The following PIP5K1B variants were observed in gnomAD, a reference collection of about 807,000 sequenced individuals.
PIP5K1B encodes the protein phosphatidylinositol-4-phosphate 5-kinase type 1 beta, also known as phosphatidylinositol 4-phosphate 5-kinase type-1 beta.
PIP5K1B carries 42 observed loss-of-function variants against 67.0 expected under a neutral mutation model. The ratio of observed to expected loss-of-function variants is 0.63; its 90% CI spans 0.49 to 0.81. The LOEUF is 0.81. Among genes scored for constraint, PIP5K1B ranks in the 30% least tolerant of loss-of-function variants. The pLI is 0.00. For missense variants in PIP5K1B, 459 were observed against 646.3 expected (o/e 0.71, Z 3.14); for synonymous variants, 214 against 231.4 (o/e 0.92, Z 0.68).
At chr9:68,929,024 G>A (rs895115061) in intron 12 of PIP5K1B, among the ~76,000 whole-genome samples, 4 of 152,040 alleles carry the variant, frequency 2.6e-5, no homozygotes, top group Admixed American at 6.5e-5. Flanking sequence ...TTAGCCAGAC[G>A]TGCTGGCACA....
intron 13 of PIP5K1B, among the ~76,000 whole-genome samples, chr9:68,940,438 A>C (rs1827499969): frequency 6.6e-6 from 1 of 152,208 alleles, no homozygotes; most frequent in Non-Finnish European, 1.5e-5. Context: ...TTTGTAAATT[A>C]ATGCAATTTC....
chr9:68,762,802 A>G (rs1830243479), intron 2 of PIP5K1B, among the ~76,000 whole-genome samples: 2 of 152,108 alleles, frequency 1.3e-5, no homozygotes, highest in Non-Finnish European at 1.5e-5. Context: ...AACGTTTATG[A>G]GTGTATGGGA....
intron 14 of PIP5K1B, among the ~76,000 whole-genome samples, chr9:68,951,703 G>C (rs10869578): frequency 6.6e-6 from 1 of 151,886 alleles, no homozygotes; most frequent in African/African-American, 2.4e-5. Context: ...TATTAAAAAA[G>C]GTATTGATTG....
chr9:68,957,420 GAT>G (rs1369617135), intron 14 of PIP5K1B, among the ~76,000 whole-genome samples: 1 of 152,084 alleles, frequency 6.6e-6, no homozygotes, highest in Non-Finnish European at 1.5e-5. Context: ...AGGAGAGAAA[GAT>G]ATCTTTTTTT....
chr9:68,794,696 T>C (rs1455467487), intron 2 of PIP5K1B, among the ~76,000 whole-genome samples: 1 of 144,728 alleles, frequency 6.9e-6, no homozygotes, highest in Non-Finnish European at 1.5e-5. Context: ...TGCTGTAAAT[T>C]AAAAAAAAAA....
intron 4 of PIP5K1B, among the ~76,000 whole-genome samples, chr9:68,860,014 G>A (rs1195929304): frequency 6.6e-6 from 1 of 152,054 alleles, no homozygotes; most frequent in African/African-American, 2.4e-5. Context: ...GTTAATTGAG[G>A]TAGTGTGCAT....
intron 2 of PIP5K1B, among the ~76,000 whole-genome samples, chr9:68,755,811 G>A (rs547297720): frequency 2.0e-5 from 3 of 152,274 alleles, no homozygotes; most frequent in South Asian, 2.1e-4. Context: ...AGGATGAATC[G>A]CAGGATGAAC....
intron 5 of PIP5K1B, among the ~76,000 whole-genome samples, 180 bp from the exon 6 acceptor site, chr9:68,876,497 G>A (rs140537516): frequency 1.1e-4 from 16 of 152,190 alleles, no homozygotes; most frequent in African/African-American, 3.6e-4. Context: ...ACTAACTAAC[G>A]TCTTATTCTG....
At chr9:68,782,820 A>C (rs1224299930) in intron 2 of PIP5K1B, 1 of 167,096 alleles carries the variant, frequency 6.0e-6, no homozygotes, top group African/African-American at 2.4e-5. Flanking sequence ...TATCTTCAAC[A>C]CAGGAATTGT....
In PIP5K1B at chr9:68,864,897, T is replaced by G. The variant is rs554053357; in HGVS notation, c.200+930T>G. 4.6e-5 allele frequency among the ~76,000 whole-genome samples: 7 copies of G among 152,332 alleles called. No homozygotes were observed. The East Asian group carries it at 1.3e-3, about 29-fold the overall frequency. On this transcript the variant is annotated intron_variant, in intron 5 of 15. Coordinates refer to ENST00000265382, the MANE Select transcript of PIP5K1B (RefSeq NM_003558.4). ...GGTAAACATAGCTAAAGTGACACTT[T>G]GTTTACCACTAGTGTCCTCATCACC... is the stretch of plus-strand genomic sequence containing the variant.
chr9:68,928,678 G>C (rs1231580148), intron 12 of PIP5K1B, among the ~76,000 whole-genome samples: 1 of 152,136 alleles, frequency 6.6e-6, no homozygotes, highest in Non-Finnish European at 1.5e-5. Flanking sequence ...TATCACTTTT[G>C]TTTATTGCGT....
intron 8 of PIP5K1B, among the ~76,000 whole-genome samples, chr9:68,900,678 C>T (rs958120311): frequency 1.3e-5 from 2 of 152,116 alleles, no homozygotes; most frequent in Non-Finnish European, 2.9e-5. Flanking sequence ...TAATTAATGA[C>T]CTAATGACTT....
Position 68,891,372 on chromosome 9 carries a change from T to C in PIP5K1B, c.471+2239T>C, listed in dbSNP as rs1824777286. Among the ~76,000 whole-genome samples, 5 of 151,962 alleles carry C rather than the reference T, an allele frequency of 3.3e-5. No individual in the cohort carries two copies. In the South Asian group the frequency reaches 6.2e-4, roughly 19 times the overall value. On this transcript the variant is annotated intron_variant, in intron 7 of 15. Transcript: ENST00000265382. ...CGTCACGTGGTTACCCAAATAGATG[T>C]TGAGGAGAAGCTAAGGCCCTCAAAA...
rs758749043 is a variant in PIP5K1B at position 68,919,555 on chromosome 9, T to G, written c.1060T>G (p.Ser354Ala). 1.3e-6 allele frequency: 2 copies of G among 1,575,604 alleles called. No individual in the cohort carries two copies. Among genetic ancestry groups the G allele is most frequent in the Non-Finnish European group, 1.7e-6 (2 of 1,149,504 alleles). Residue 354 changes from serine to alanine, a missense_variant, in exon 10 of 16, where the codon TCA becomes GCA. This residue lies in a region of PIP5K1B where 290 missense variants were observed against 474.4 expected (regional missense o/e 0.61). Coordinates refer to ENST00000265382, the MANE Select transcript of PIP5K1B (RefSeq NM_003558.4). The part of the protein sequence containing the change: ...LFMGIIDILQ[S>A]YRLMKKLEHS... ...TATGGGCATTATTGACATTCTGCAATCATATAGGTAAGAAGTTTGAGGAGT... is the reference window on the plus strand; with the variant it reads ...TATGGGCATTATTGACATTCTGCAAGCATATAGGTAAGAAGTTTGAGGAGT...
chr9:68,952,294 G>T (rs1015465394), intron 14 of PIP5K1B, among the ~76,000 whole-genome samples: 1 of 152,166 alleles, frequency 6.6e-6, no homozygotes, highest in Non-Finnish European at 1.5e-5. Context: ...ATGAGGTTCT[G>T]TTCCTTTTAT....
rs1211189701 is a variant in PIP5K1B, at chr9:68,973,231, C to T, written c.1503-17909C>T. 4.0e-5 allele frequency among the ~76,000 whole-genome samples: 6 copies of T among 151,864 alleles called. 1 individual carries two copies. The South Asian group carries it at 6.2e-4, about 16-fold the overall frequency. ...GTGAACTCCAGCCTGGGCGACAGAG[C>T]GAGACTCCATCTCAAAATAATAAAA... On this transcript the variant is annotated intron_variant, in intron 14 of 15. Transcript: ENST00000265382.
chr9:68,734,281 A>C (rs1828616549), intron 1 of PIP5K1B, among the ~76,000 whole-genome samples: 1 of 152,242 alleles, frequency 6.6e-6, no homozygotes, highest in African/African-American at 2.4e-5. Context: ...TTGTTGAGGA[A>C]ATACGCATGT....
At chr9:68,951,215 G>C (rs984385256) in intron 14 of PIP5K1B, among the ~76,000 whole-genome samples, 1 of 152,168 alleles carries the variant, frequency 6.6e-6, no homozygotes, top group Non-Finnish European at 1.5e-5. Flanking sequence ...TTAAAAATTA[G>C]TGTGTGGAAG....
intron 5 of PIP5K1B, among the ~76,000 whole-genome samples, chr9:68,867,197 T>C (rs1399302576): frequency 1.3e-5 from 2 of 151,562 alleles, no homozygotes; most frequent in East Asian, 3.9e-4. Context: ...TTTTTTTTTC[T>C]TGTTATTTTT....
Sources: allele counts gnomAD v4.1 joint callset (sites outside exome capture counted in the v4.1 genomes callset), GRCh38; gene constraint gnomAD v4.1.1; regional missense constraint gnomAD v4.1.1; transcripts MANE v1.5; gene names NCBI Gene and HGNC (gene_info 2026-07-23, HGNC 2026-07-21).